RBFOX1: variants seen among roughly 807,000 people sequenced by gnomAD.
RBFOX1 encodes RNA binding protein fox-1 homolog 1.
In RBFOX1, 8 loss-of-function variants were observed where a neutral mutation model predicts 57.7. That is an observed-to-expected ratio of 0.14 (90% CI 0.08 to 0.25). The LOEUF (loss-of-function observed/expected upper bound fraction) is 0.25. RBFOX1 is among the 10% of genes least tolerant of loss of function. The probability of loss-of-function intolerance (pLI) is 1.00; values close to 1 mark genes in which losing one functional copy is unlikely to be tolerated. For missense variants in RBFOX1, 611 were observed against 548.5 expected (o/e 1.11, Z -1.14); for synonymous variants, 326 against 222.4 (o/e 1.47, Z -4.15).
At chr16:6,942,933 G>C (rs1356275638) in intron 3 of RBFOX1, among the ~76,000 whole-genome samples, 2 of 152,178 alleles carry the variant, frequency 1.3e-5, no homozygotes, top group Non-Finnish European at 2.9e-5. Flanking sequence ...GCTCGCATTG[G>C]AGATTCGACA....
intron 10 of RBFOX1, among the ~76,000 whole-genome samples, chr16:7,620,110 A>G (rs112939578): frequency 0.024 from 3,652 of 152,292 alleles, 141 homozygotes; most frequent in African/African-American, 0.082. Flanking sequence ...TAAATTTGCT[A>G]TTTCCTTTCT....
chr16:5,702,426 G>A (rs755200198), intron 3 of RBFOX1, among the ~76,000 whole-genome samples: 22 of 152,150 alleles, frequency 1.4e-4, no homozygotes, highest in Non-Finnish European at 2.6e-4. Flanking sequence ...CCTTCAATTC[G>A]ACATGAGATT....
chr16:6,138,673 C>T (rs1292544247), intron 1 of RBFOX1, among the ~76,000 whole-genome samples: 2 of 152,178 alleles, frequency 1.3e-5, no homozygotes, highest in Non-Finnish European at 2.9e-5. Flanking sequence ...CGACACCATC[C>T]TGGCTAACAT....
chr16:5,386,872 G>A (rs1474866042), intron 1 of RBFOX1, among the ~76,000 whole-genome samples: 9 of 152,122 alleles, frequency 5.9e-5, no homozygotes, highest in African/African-American at 2.2e-4. Flanking sequence ...CCAACACGGC[G>A]AAACCCCATC....
intron 3 of RBFOX1, among the ~76,000 whole-genome samples, chr16:5,682,762 G>C (rs1332541068): frequency 6.6e-6 from 1 of 152,184 alleles, no homozygotes; most frequent in East Asian, 1.9e-4. Context: ...GCCACACATT[G>C]AATTCATGGA....
At chr16:7,475,714 G>T (rs940166590) in intron 4 of RBFOX1, among the ~76,000 whole-genome samples, 1 of 152,118 alleles carries the variant, frequency 6.6e-6, no homozygotes, top group Non-Finnish European at 1.5e-5. Flanking sequence ...GAATGGCCTC[G>T]GACAAGTTAT....
intron 3 of RBFOX1, among the ~76,000 whole-genome samples, chr16:6,965,888 C>T (rs1182689441): frequency 6.6e-6 from 1 of 152,056 alleles, no homozygotes; most frequent in East Asian, 1.9e-4. Flanking sequence ...AAGTTGTTTG[C>T]CCAAGGAAAT....
chr16:5,661,465 A>G (rs777239456), intron 3 of RBFOX1, among the ~76,000 whole-genome samples: 17 of 152,192 alleles, frequency 1.1e-4, no homozygotes, highest in Non-Finnish European at 2.1e-4. Flanking sequence ...TAACTCCTTC[A>G]TATTACCTAG....
At chr16:6,419,576 G>A (rs573955981) in intron 2 of RBFOX1, among the ~76,000 whole-genome samples, 1 of 152,302 alleles carries the variant, frequency 6.6e-6, no homozygotes, top group East Asian at 1.9e-4. Flanking sequence ...TGAAAAGGTA[G>A]AGTGGGCCCC....
chr16:6,169,731 A>G (rs1471424139), intron 1 of RBFOX1, among the ~76,000 whole-genome samples: 3 of 152,206 alleles, frequency 2.0e-5, no homozygotes, highest in African/African-American at 7.2e-5. Flanking sequence ...GCCAAGACTC[A>G]GTTGTTGTTA....
intron 4 of RBFOX1, among the ~76,000 whole-genome samples, chr16:7,082,110 A>C (rs2059290714): frequency 6.6e-6 from 1 of 152,138 alleles, no homozygotes; most frequent in Non-Finnish European, 1.5e-5. Flanking sequence ...ACCACTCTGG[A>C]GATCACTCCT....
intron 4 of RBFOX1, among the ~76,000 whole-genome samples, chr16:7,146,737 C>A (rs2075054604): frequency 6.6e-6 from 1 of 151,538 alleles, no homozygotes; most frequent in South Asian, 2.1e-4. Context: ...TCACTTGAGC[C>A]CAGGAGTGTG....
At chr16:6,954,807 G>A (rs1316293185) in intron 3 of RBFOX1, among the ~76,000 whole-genome samples, 3 of 152,148 alleles carry the variant, frequency 2.0e-5, no homozygotes, top group Non-Finnish European at 4.4e-5. Flanking sequence ...AGGTAGAAGG[G>A]TTCGAACCTC....
chr16:5,493,622 G>A (rs973003746), intron 2 of RBFOX1, among the ~76,000 whole-genome samples: 1 of 152,226 alleles, frequency 6.6e-6, no homozygotes, highest in Non-Finnish European at 1.5e-5. Flanking sequence ...AATAAGAGCT[G>A]AGAGTGAATG....
At chr16:5,380,797 A>G (rs2066111370) in intron 1 of RBFOX1, among the ~76,000 whole-genome samples, 1 of 152,248 alleles carries the variant, frequency 6.6e-6, no homozygotes, top group African/African-American at 2.4e-5. Flanking sequence ...CTGTGATGAA[A>G]GGGACTTTTG....
intron 4 of RBFOX1, among the ~76,000 whole-genome samples, chr16:5,897,620 A>T (rs1209453450): frequency 6.6e-6 from 1 of 152,154 alleles, no homozygotes; most frequent in African/African-American, 2.4e-5. Flanking sequence ...CACCTGGGAA[A>T]CCAAGGCCCC....
chr16:5,814,129 C>T (rs1043880853), intron 3 of RBFOX1, among the ~76,000 whole-genome samples: 6 of 152,064 alleles, frequency 3.9e-5, no homozygotes, highest in African/African-American at 7.2e-5. Flanking sequence ...TGGTACCTTC[C>T]CCTCTCCAAA....
chr16:6,675,217 T>G (rs1014928886), intron 3 of RBFOX1, among the ~76,000 whole-genome samples: 2 of 152,178 alleles, frequency 1.3e-5, no homozygotes, highest in African/African-American at 2.4e-5. Flanking sequence ...TTCTGTTGTT[T>G]TAAGCAACCC....
intron 3 of RBFOX1, among the ~76,000 whole-genome samples, chr16:6,923,194 G>T (rs1288177990): frequency 1.3e-5 from 2 of 152,186 alleles, no homozygotes; most frequent in African/African-American, 4.8e-5. Flanking sequence ...CTGGTCTTCA[G>T]TTGCCTGCCT....
Sources: gnomAD v4.1 joint callset for allele counts (sites outside exome capture counted in the v4.1 genomes callset) on GRCh38, gnomAD v4.1.1 for gene constraint, MANE v1.5 for transcripts, NCBI Gene and HGNC (gene_info 2026-07-23, HGNC 2026-07-21) for gene names.